The following BEND7 variants were observed in gnomAD, a reference collection of about 807,000 sequenced individuals.
BEND7 encodes the protein BEN domain containing 7, also known as BEN domain-containing protein 7.
BEND7 carries 28 observed loss-of-function variants against 50.9 expected under a neutral mutation model. The observed-to-expected ratio is 0.55, with a 90% CI of 0.41 to 0.75. BEND7 has a LOEUF of 0.75. Among genes scored for constraint, BEND7 ranks in the 30% least tolerant of loss-of-function variants. BEND7 has a pLI of 0.00. For missense variants in BEND7, 477 were observed against 491.3 expected, an observed-to-expected ratio of 0.97 and a Z score of 0.28; for synonymous variants, 170 against 183.9, an observed-to-expected ratio of 0.92 and a Z score of 0.61.
intron 6 of BEND7, among the ~76,000 whole-genome samples, chr10:13,461,122 A>G (rs1219867711): frequency 2.6e-5 from 4 of 152,212 alleles, no homozygotes; most frequent in Non-Finnish European, 5.9e-5. Flanking sequence ...AGCTGAAACC[A>G]AAGAAAAAAG....
At chr10:13,526,056 T>C (rs1446848643) in intron 2 of BEND7, 82 bp downstream of exon 2, 7 of 674,466 alleles carry the variant, frequency 1.0e-5, no homozygotes, top group Non-Finnish European at 1.6e-5. Context: ...ACATTTCCCG[T>C]TCCTGAACAA....
At chr10:13,519,002 G>C (rs772828990) in intron 2 of BEND7, among the ~76,000 whole-genome samples, 17 of 152,198 alleles carry the variant, frequency 1.1e-4, no homozygotes, top group Non-Finnish European at 1.5e-5. Context: ...GATTAGGAGA[G>C]TCCTGAAAAT....
At position 13,505,491 on chromosome 10, in the gene BEND7, A is replaced by T. The variant is rs563398740; in HGVS notation, c.146-5411T>A. On this transcript the variant is annotated intron_variant, in intron 2 of 8. Coordinates refer to ENST00000466271, the MANE Select transcript of BEND7 (RefSeq NM_001369863.1). The stretch of plus-strand genomic sequence containing the variant: ...TCTCCCCTGCCAGGCCACATGGGGC[A>T]GACACCCGCTCTGGCCTGCGTGTGT... 3.3e-5 allele frequency among the ~76,000 whole-genome samples: 5 copies of T among 152,326 alleles called. No homozygotes were observed. The South Asian group carries it at 8.3e-4, about 25-fold the overall frequency.
intron 5 of BEND7, among the ~76,000 whole-genome samples, chr10:13,486,344 C>G (rs7098325): frequency 0.73 from 110,921 of 152,208 alleles, 40,911 homozygotes; most frequent in East Asian, 0.88. Context: ...TTTATTAAAT[C>G]CTATGCTGAG....
chr10:13,508,832 T>C (rs543669539), intron 2 of BEND7, among the ~76,000 whole-genome samples: 1 of 151,630 alleles, frequency 6.6e-6, no homozygotes, highest in South Asian at 2.1e-4. Context: ...AACAAAAGAG[T>C]GTGTACACAG....
chr10:13,478,189 G>A (rs978477508), intron 6 of BEND7, among the ~76,000 whole-genome samples: 2 of 152,168 alleles, frequency 1.3e-5, no homozygotes, highest in Non-Finnish European at 2.9e-5. Flanking sequence ...TGGGTGTGGT[G>A]TCACCTCCAG....
At chr10:13,444,978 C>T (rs1446499761) in intron 8 of BEND7, 4 of 152,124 alleles carry the variant, frequency 2.6e-5, no homozygotes, top group East Asian at 3.9e-4. Flanking sequence ...CCATGCCTGG[C>T]TAATTTTTTA....
chr10:13,450,077 C>T (rs1837341771), intron 7 of BEND7, among the ~76,000 whole-genome samples: 1 of 152,202 alleles, frequency 6.6e-6, no homozygotes, highest in African/African-American at 2.4e-5. Context: ...AAATGCACAC[C>T]AGGAAAGGAA....
intron 5 of BEND7, among the ~76,000 whole-genome samples, chr10:13,486,501 C>T (rs1262028383): frequency 1.3e-5 from 2 of 152,190 alleles, no homozygotes; most frequent in African/African-American, 4.8e-5. Context: ...GGAGCATGCT[C>T]GTGTCCTACG....
intron 7 of BEND7, 103 bp from the exon 8 acceptor site, chr10:13,447,419 T>G (rs1836611775): frequency 3.6e-6 from 4 of 1,097,378 alleles, no homozygotes; most frequent in African/African-American, 3.2e-5. Context: ...TATACATAAC[T>G]GTTTTCACCA....
At chr10:13,517,545 C>G (rs7904191) in intron 2 of BEND7, among the ~76,000 whole-genome samples, 149,591 of 152,238 alleles carry the variant, frequency 0.98, 73,551 homozygotes, top group Middle Eastern at 1. Flanking sequence ...TTGAGGCCAG[C>G]AGTTCAAGAC....
chr10:13,495,145 C>A (rs566449455), intron 4 of BEND7, among the ~76,000 whole-genome samples: 43 of 152,340 alleles, frequency 2.8e-4, no homozygotes, highest in African/African-American at 9.6e-4. Flanking sequence ...CAAATCATTA[C>A]AATTTCATAT....
intron 6 of BEND7, among the ~76,000 whole-genome samples, chr10:13,468,904 CTGCTG>C (rs2074523328): frequency 6.6e-6 from 1 of 152,260 alleles, no homozygotes; most frequent in Non-Finnish European, 1.5e-5. Context: ...GCCAAGATGA[CTGCTG>C]TGTGGGTAAG....
intron 6 of BEND7, among the ~76,000 whole-genome samples, chr10:13,472,234 A>T (rs866335930): frequency 1.9e-4 from 29 of 149,836 alleles, no homozygotes; most frequent in African/African-American, 6.7e-4. Flanking sequence ...CATCATCGCT[A>T]TTAGAGTAGG....
intron 7 of BEND7, among the ~76,000 whole-genome samples, chr10:13,451,712 A>C: frequency 1.3e-5 from 2 of 150,954 alleles, no homozygotes; most frequent in South Asian, 2.1e-4. Flanking sequence ...TGCACCCATT[A>C]ACTCGTCATT....
chr10:13,492,012 G>T (rs1454419302), intron 5 of BEND7, among the ~76,000 whole-genome samples: 3 of 151,728 alleles, frequency 2.0e-5, no homozygotes, highest in Non-Finnish European at 2.9e-5. Flanking sequence ...ATGTAAAATA[G>T]CAAGTCAGAT....
intron 4 of BEND7, among the ~76,000 whole-genome samples, chr10:13,493,469 C>G (rs2076815934): frequency 6.6e-6 from 1 of 152,154 alleles, no homozygotes; most frequent in Non-Finnish European, 1.5e-5. Context: ...CCTTCCTCAC[C>G]AAACAAATAT....
At chr10:13,523,065 G>T (rs2079185776) in intron 2 of BEND7, among the ~76,000 whole-genome samples, 1 of 152,200 alleles carries the variant, frequency 6.6e-6, no homozygotes, top group South Asian at 2.1e-4. Context: ...GAATCCCTGA[G>T]AACAAGGTCC....
intron 2 of BEND7, among the ~76,000 whole-genome samples, chr10:13,519,539 G>A (rs2078942367): frequency 6.6e-6 from 1 of 152,066 alleles, no homozygotes; most frequent in Admixed American, 6.6e-5. Context: ...GAGAGAGAAT[G>A]GGGTAATAAA....
Sources: allele counts gnomAD v4.1 joint callset (sites outside exome capture counted in the v4.1 genomes callset), GRCh38; gene constraint gnomAD v4.1.1; transcripts MANE v1.5; gene names NCBI Gene and HGNC (gene_info 2026-07-23, HGNC 2026-07-21).